Variants in ALAS1 observed in about 807,000 individuals in gnomAD.
ALAS1 encodes the protein 5'-aminolevulinate synthase 1.
A neutral mutation model predicts 59.6 loss-of-function variants in ALAS1; 29 were observed. The ratio of observed to expected loss-of-function variants is 0.49; its 90% CI spans 0.36 to 0.66. ALAS1 has a LOEUF of 0.66. ALAS1 is among the 30% of genes least tolerant of loss of function. The pLI is 0.00. For missense variants in ALAS1, 690 were observed against 807.5 expected, an observed-to-expected ratio of 0.85 and a Z score of 1.76; for synonymous variants, 299 against 296.6, an observed-to-expected ratio of 1.01 and a Z score of -0.08.
chr3:52,211,173 TAAA>T lies in ALAS1; in HGVS notation c.1331-107_1331-105del. The T allele has an allele frequency of 3.1e-6, 4 of 1,280,714 alleles. No homozygotes were observed. In the South Asian group the frequency reaches 5.7e-5, roughly 18 times the overall value. 79.3% of individuals were successfully genotyped at this position (1,280,714 alleles called of 1,614,324 possible). On this transcript the variant is annotated intron_variant, in intron 9 of 11. Transcript: ENST00000484952. ...TACTCCAATCAGTCCAGGAACAAATTAAAAAGATAAGGAGAAAAGTCAGTGCTT... is the reference window on the plus strand; with the variant it reads ...TACTCCAATCAGTCCAGGAACAAATTAAGATAAGGAGAAAAGTCAGTGCTT...
intron 9 of ALAS1, among the ~76,000 whole-genome samples, chr3:52,209,688 C>G (rs909952052): frequency 2.6e-5 from 4 of 152,180 alleles, no homozygotes; most frequent in Admixed American, 2.6e-4. Flanking sequence ...TATGAAGACT[C>G]TTCTGGAGTT....
rs756830605 is a variant in ALAS1 at position 52,212,243 on chromosome 3, T to C, written c.1600-15T>C. 10 of 1,611,072 alleles carry C rather than the reference T, an allele frequency of 6.2e-6. No homozygotes were observed. Among genetic ancestry groups the C allele is most frequent in the Non-Finnish European group, 8.5e-6 (10 of 1,178,294 alleles). ...TTCCTGTTGTGACCTTACCTTCTGC[T>C]CTCATTGAACTTAGGTTGCAGATGC... On this transcript the variant is annotated splice_polypyrimidine_tract_variant and intron_variant, in intron 10 of 11. Transcript: ENST00000484952.
At chr3:52,207,036 C>T (rs1472290501) in intron 8 of ALAS1, among the ~76,000 whole-genome samples, 4 of 148,938 alleles carry the variant, frequency 2.7e-5, no homozygotes, top group Non-Finnish European at 5.9e-5. Flanking sequence ...CGGAGTCTCC[C>T]TCTGTCACCC....
chr3:52,208,109 T>C lies in ALAS1; in HGVS notation c.1192T>C (p.Cys398Arg). 2 of 1,600,536 alleles carry C rather than the reference T, an allele frequency of 1.2e-6. No homozygotes were observed. Among genetic ancestry groups the C allele is most frequent in the Non-Finnish European group, 1.7e-6 (2 of 1,173,396 alleles). The change falls in exon 9 of 12, where the codon TGT becomes CGT. Residue 398 changes from cysteine to arginine, a missense_variant. Cys to Arg is a radical substitution (Grantham distance 180). Transcript: ENST00000484952. ...GGCGGTGTGCCCACTGGAAGAGCTG[T>C]GTGATGTGGCCCATGAGTTTGGAGC... The part of the protein sequence containing the change: ...DGAVCPLEEL[C>R]DVAHEFGAIT...
In ALAS1 at chr3:52,206,747, G is replaced by T; in HGVS notation, c.1161G>T (p.Met387Ile). 4 of 1,614,006 alleles carry T rather than the reference G, an allele frequency of 2.5e-6. No individual in the cohort carries two copies. The highest frequency in any genetic ancestry group is 3.4e-6 in the Non-Finnish European group (4 of 1,179,918). Residue 387 changes from methionine (M) to isoleucine (I), a missense_variant, in exon 8 of 12, where the codon ATG becomes ATT. Met to Ile is a conservative substitution (Grantham distance 10). Coordinates refer to ENST00000484952, the MANE Select transcript of ALAS1 (RefSeq NM_000688.6). ...TGGCATTTGAAACTGTCCATTCAAT[G>T]GATGGTAAGTGTGGATAGAGGTTCC... ...KIVAFETVHS[M>I]DGAVCPLEEL...
At position 52,208,191 on chromosome 3, in the gene ALAS1, G is replaced by A; in HGVS notation, c.1274G>A (p.Gly425Glu). The change falls in exon 9 of 12, where the codon GGG becomes GAG. Residue 425 changes from glycine (G) to glutamate (E), a missense_variant. Physicochemically the swap from Gly to Glu is moderately conservative, Grantham distance 98. Coordinates refer to ENST00000484952, the MANE Select transcript of ALAS1 (RefSeq NM_000688.6). ...AVGLYGARGG[G>E]IGDRDGVMPK... ...GGGCTTTATGGGGCTCGAGGCGGAGGGATTGGGGATCGGGATGGAGTCATG... is the reference window on the plus strand; with the variant it reads ...GGGCTTTATGGGGCTCGAGGCGGAGAGATTGGGGATCGGGATGGAGTCATG... The A allele has an allele frequency of 6.2e-7, 1 of 1,614,160 alleles. No individual in the cohort carries two copies.
chr3:52,209,269 G>A (rs1475623416), intron 9 of ALAS1, among the ~76,000 whole-genome samples: 3 of 151,968 alleles, frequency 2.0e-5, no homozygotes, highest in Admixed American at 6.5e-5. Flanking sequence ...GTGCAGTGGC[G>A]CGATCTCAGC....
intron 11 of ALAS1, among the ~76,000 whole-genome samples, chr3:52,213,668 C>T (rs935098759): frequency 7.2e-5 from 11 of 152,174 alleles, no homozygotes; most frequent in Admixed American, 3.3e-4. Flanking sequence ...CTGTCAACCA[C>T]GGCTCTTTCT....
At chr3:52,200,343 C>T (rs1175530748) in intron 3 of ALAS1, among the ~76,000 whole-genome samples, 1 of 152,202 alleles carries the variant, frequency 6.6e-6, no homozygotes, top group Non-Finnish European at 1.5e-5. Flanking sequence ...TCTCCCCAAC[C>T]CCTGACAACC....
intron 10 of ALAS1, among the ~76,000 whole-genome samples, chr3:52,212,035 A>G (rs1458543342): frequency 6.6e-6 from 1 of 152,142 alleles, no homozygotes; most frequent in Non-Finnish European, 1.5e-5. Context: ...TTAAAAATGT[A>G]TTTCTTTTTA....
chr3:52,203,784 T>G, intron 4 of ALAS1, 79 bp from the exon 5 acceptor site: 21 of 1,453,620 alleles, frequency 1.4e-5, no homozygotes, highest in Non-Finnish European at 1.8e-5. Flanking sequence ...ATAAGCCATT[T>G]TTGACAATAT....
chr3:52,213,178 A>T (rs1157698159), intron 11 of ALAS1, among the ~76,000 whole-genome samples: 1 of 152,124 alleles, frequency 6.6e-6, no homozygotes, highest in African/African-American at 2.4e-5. Context: ...AATATTTTCA[A>T]CTGCCCCGTG....
At chr3:52,212,568 G>A (rs1699434550) in intron 11 of ALAS1, 148 bp downstream of exon 11, 1 of 1,055,004 alleles carries the variant, frequency 9.5e-7, no homozygotes, top group East Asian at 2.5e-5. Context: ...TTTCGCTCTT[G>A]TTGCCCAGGC....
rs1699470692 is a variant in ALAS1, at chr3:52,214,270, TA to T, written c.*93del. On this transcript the variant is annotated 3_prime_UTR_variant, in exon 12 of 12. Coordinates refer to ENST00000484952, the MANE Select transcript of ALAS1 (RefSeq NM_000688.6). ...TCTTTATATGTGAATTAAGTTATAT[TA>T]AATTTTAATCTATAGTAAAAACATA... is the stretch of plus-strand genomic sequence containing the variant. 1.6e-6 allele frequency: 2 copies of T among 1,214,260 alleles called. No homozygotes were observed. Among genetic ancestry groups the T allele is most frequent in the Non-Finnish European group, 2.3e-6 (2 of 887,414 alleles). 75.2% of individuals were successfully genotyped at this position (1,214,260 alleles called of 1,614,324 possible). A position where few individuals can be genotyped will look rare whatever the true frequency, so the allele number is the denominator to read the frequency against.
In ALAS1 at chr3:52,211,469, G is replaced by A. The variant is rs770620231; in HGVS notation, c.1517G>A (p.Arg506His). 9.9e-6 allele frequency: 16 copies of A among 1,614,106 alleles called. No homozygotes were observed. Among genetic ancestry groups the A allele is most frequent in the East Asian group, 4.5e-5 (2 of 44,902 alleles). Residue 506 changes from arginine (R) to histidine (H), a missense_variant, in exon 10 of 12, where the codon CGC becomes CAC. By Grantham distance (29) the Arg-to-His change is conservative. Transcript: ENST00000484952. ...CGGGTGCTTCGCCGCCAGCACCAGC[G>A]CAACGTCAAACTCATGAGACAGATG... ...EGRVLRRQHQ[R>H]NVKLMRQMLM...
At chr3:52,208,297 G>A (rs750222096) in intron 9 of ALAS1, 50 bp downstream of exon 9, 1 of 1,598,316 alleles carries the variant, frequency 6.3e-7, no homozygotes, top group Non-Finnish European at 8.5e-7. Context: ...TCCTAACAAG[G>A]CCAAGGACTA....
intron 9 of ALAS1, among the ~76,000 whole-genome samples, chr3:52,209,039 A>G (rs982645460): frequency 4.1e-4 from 62 of 152,324 alleles, no homozygotes; most frequent in African/African-American, 1.4e-3. Flanking sequence ...GCCAGTTTAT[A>G]GCCTATGCTT....
intron 1 of ALAS1, 32 bp from the exon 2 acceptor site, chr3:52,198,640 C>T: frequency 1.5e-6 from 1 of 678,484 alleles, no homozygotes. Flanking sequence ...GCCCTCATAC[C>T]CCTACCCTCA....
intron 8 of ALAS1, among the ~76,000 whole-genome samples, chr3:52,206,999 TA>T: frequency 6.9e-6 from 1 of 145,550 alleles, no homozygotes; most frequent in Non-Finnish European, 1.5e-5. Context: ...CACGCCTGGC[TA>T]ATTTTTTTTT....
Sources: allele counts gnomAD v4.1 joint callset (sites outside exome capture counted in the v4.1 genomes callset), GRCh38; gene constraint gnomAD v4.1.1; transcripts MANE v1.5; gene names NCBI Gene and HGNC (gene_info 2026-07-23, HGNC 2026-07-21).